LPP: variants seen among roughly 807,000 people sequenced by gnomAD.
The protein encoded by LPP is LIM domain containing preferred translocation partner in lipoma.
Under a neutral mutation model 60.4 loss-of-function variants are expected in LPP, and 38 were observed. The ratio of observed to expected loss-of-function variants is 0.63; its 90% CI spans 0.49 to 0.83. LPP has a LOEUF of 0.83. Among genes scored for constraint, LPP ranks in the 40% least tolerant of loss-of-function variants. The pLI is 0.00. For synonymous variants in LPP, 328 were observed against 290.8 expected (o/e 1.13, Z -1.30); for missense variants, 902 against 783.6 (o/e 1.15, Z -1.80).
At chr3:188,779,436 C>G (rs1351793116) in intron 9 of LPP, among the ~76,000 whole-genome samples, 1 of 152,164 alleles carries the variant, frequency 6.6e-6, no homozygotes, top group Non-Finnish European at 1.5e-5. Context: ...AAGGACCCTT[C>G]AAACTCATCA....
chr3:188,870,752 A>G (rs1767899390), intron 10 of LPP, among the ~76,000 whole-genome samples: 1 of 152,196 alleles, frequency 6.6e-6, no homozygotes, highest in South Asian at 2.1e-4. Flanking sequence ...TCGAATTGCT[A>G]TCGGAGGAAC....
At chr3:188,681,749 T>G (rs146277177) in intron 7 of LPP, among the ~76,000 whole-genome samples, 1 of 152,352 alleles carries the variant, frequency 6.6e-6, no homozygotes, top group African/African-American at 2.4e-5. Context: ...AAATAATACT[T>G]TGACTTTTAC....
intron 5 of LPP, among the ~76,000 whole-genome samples, chr3:188,486,069 G>A (rs1038713440): frequency 1.3e-5 from 2 of 151,832 alleles, no homozygotes; most frequent in Non-Finnish European, 2.9e-5. Context: ...CTACAAGTAG[G>A]ATATGTATTT....
chr3:188,565,894 G>A (rs1832019157), intron 6 of LPP, among the ~76,000 whole-genome samples: 1 of 151,916 alleles, frequency 6.6e-6, no homozygotes, highest in Admixed American at 6.6e-5. Flanking sequence ...GGACTAATGT[G>A]TTTGCCAGAA....
chr3:188,686,943 T>G lies in LPP; in HGVS notation c.1114-21324T>G, dbSNP rs149548755. 3.3e-5 allele frequency among the ~76,000 whole-genome samples: 5 copies of G among 152,326 alleles called. No homozygotes were observed. In the East Asian group the frequency reaches 9.6e-4, roughly 29 times the overall value. The stretch of plus-strand genomic sequence containing the variant: ...CTTCAAACAGATATTAGGCAGGGGC[T>G]TTAAGACTTCAACTTGAGAGAAAAG... On this transcript the variant is annotated intron_variant, in intron 7 of 11. Coordinates refer to ENST00000617246, the MANE Select transcript of LPP (RefSeq NM_001375462.1).
chr3:188,584,247 A>G (rs915888413), intron 6 of LPP: 1 of 152,186 alleles, frequency 6.6e-6, no homozygotes, highest in African/African-American at 2.4e-5. Context: ...AATTTTTAAA[A>G]GGAAATGTGG....
intron 2 of LPP, among the ~76,000 whole-genome samples, chr3:188,229,727 T>C (rs1370685489): frequency 3.9e-5 from 6 of 152,214 alleles, no homozygotes; most frequent in Admixed American, 3.9e-4. Context: ...CTCTTTTGCT[T>C]CCTTCCTCCT....
chr3:188,773,108 A>G (rs1209660514), intron 9 of LPP, among the ~76,000 whole-genome samples: 2 of 152,194 alleles, frequency 1.3e-5, no homozygotes, highest in Non-Finnish European at 1.5e-5. Flanking sequence ...GAAAATTGCC[A>G]AGGAGTTTGA....
chr3:188,523,350 T>G (rs1579615348), intron 5 of LPP, among the ~76,000 whole-genome samples: 1 of 152,176 alleles, frequency 6.6e-6, no homozygotes, highest in Admixed American at 6.5e-5. Context: ...AAGGATTAAC[T>G]CAAGCTGACT....
chr3:188,856,057 T>TGGGG (rs976197349), intron 9 of LPP, among the ~76,000 whole-genome samples: 1 of 152,172 alleles, frequency 6.6e-6, no homozygotes, highest in Non-Finnish European at 1.5e-5. Flanking sequence ...GTTGTTAAGA[T>TGGGG]GGGGCTTCAC....
intron 1 of LPP, among the ~76,000 whole-genome samples, chr3:188,192,576 A>T (rs1728476409): frequency 6.6e-6 from 1 of 152,182 alleles, no homozygotes; most frequent in South Asian, 2.1e-4. Flanking sequence ...ATGAAGTAGG[A>T]ATTTTCATTC....
chr3:188,665,066 T>G (rs1315395655), intron 7 of LPP, among the ~76,000 whole-genome samples: 1 of 152,138 alleles, frequency 6.6e-6, no homozygotes, highest in Admixed American at 6.5e-5. Flanking sequence ...AGATTTTTAG[T>G]GCACAAAAAT....
chr3:188,859,002 T>A (rs1764513245), intron 9 of LPP, among the ~76,000 whole-genome samples: 1 of 145,206 alleles, frequency 6.9e-6, no homozygotes, highest in African/African-American at 2.6e-5. Flanking sequence ...GGCAGGAGAA[T>A]CGCTTGAACC....
intron 7 of LPP, among the ~76,000 whole-genome samples, chr3:188,707,469 G>A (rs929867849): frequency 2.6e-5 from 4 of 152,174 alleles, no homozygotes; most frequent in South Asian, 4.2e-4. Flanking sequence ...TCACATCCTC[G>A]TAGCTTTGCT....
intron 1 of LPP, among the ~76,000 whole-genome samples, chr3:188,206,000 C>T (rs912241734): frequency 2.0e-5 from 3 of 152,164 alleles, no homozygotes; most frequent in Admixed American, 2.0e-4. Context: ...CTGTGTCTAC[C>T]CTTCCTTTTG....
intron 6 of LPP, among the ~76,000 whole-genome samples, chr3:188,597,244 A>C (rs1454048008): frequency 6.6e-6 from 1 of 152,186 alleles, no homozygotes; most frequent in Non-Finnish European, 1.5e-5. Context: ...GGAATACTGT[A>C]TGTTTCAGTT....
In LPP at chr3:188,881,138, T is replaced by TTAAAAAAAAAAAAAAAAAA. The variant is rs1560343010; in HGVS notation, c.*6659_*6660insTAAAAAAAAAAAAAAAAAA. The TTAAAAAAAAAAAAAAAAAA allele has an allele frequency of 8.4e-5, 1 of 11,848 alleles. No homozygotes were observed. The highest frequency in any genetic ancestry group is 2.5e-4 in the Non-Finnish European group (1 of 4,026). The allele number at this position is 11,848 out of a possible 1,614,324, so 0.7% of individuals were successfully genotyped here. ...CTGGGCGAAAGAGCGAGACTCCGTCTCAAAAAAAAAAAAAAAAAAATAGGA... is the reference window on the plus strand; with the variant it reads ...CTGGGCGAAAGAGCGAGACTCCGTCTTAAAAAAAAAAAAAAAAAACAAAAAAAAAAAAAAAAAAATAGGA... On this transcript the variant is annotated 3_prime_UTR_variant, in exon 12 of 12. Transcript: ENST00000617246.
intron 4 of LPP, among the ~76,000 whole-genome samples, chr3:188,447,067 G>A (rs930423776): frequency 1.3e-5 from 2 of 152,152 alleles, no homozygotes; most frequent in African/African-American, 2.4e-5. Context: ...GTCTAACTCT[G>A]ATTCCTTTGG....
intron 1 of LPP, among the ~76,000 whole-genome samples, chr3:188,219,905 G>A (rs1008220900): frequency 6.6e-6 from 1 of 152,142 alleles, no homozygotes; most frequent in Non-Finnish European, 1.5e-5. Flanking sequence ...CTGCACAGAC[G>A]CCATCTTGGG....
Sources: allele counts gnomAD v4.1 joint callset (sites outside exome capture counted in the v4.1 genomes callset), GRCh38; gene constraint gnomAD v4.1.1; transcripts MANE v1.5; gene names NCBI Gene and HGNC (gene_info 2026-07-23, HGNC 2026-07-21).